The following PACRGL variants were observed in gnomAD, a reference collection of about 807,000 sequenced individuals.
PACRGL encodes the protein parkin coregulated like, also known as PACRG-like protein.
Under a neutral mutation model 34.5 loss-of-function variants are expected in PACRGL, and 38 were observed. That is an observed-to-expected ratio of 1.10 (90% CI 0.85 to 1.44). The LOEUF is 1.44. Ranked by LOEUF, PACRGL falls within the 40% of genes most tolerant of loss-of-function variation. The probability of loss-of-function intolerance (pLI) is 0.00; values close to 1 mark genes in which losing one functional copy is unlikely to be tolerated. For missense variants in PACRGL, 305 were observed against 281.4 expected (o/e 1.08, Z -0.60); for synonymous variants, 128 against 100.1 (o/e 1.28, Z -1.66).
At chr4:20,723,421 TTTTTTTTG>T (rs1433644204) in intron 7 of PACRGL, among the ~76,000 whole-genome samples, 1 of 151,236 alleles carries the variant, frequency 6.6e-6, no homozygotes, top group Non-Finnish European at 1.5e-5. Context: ...TGGTTTTGGG[TTTTTTTTG>T]TTTTTTTGTT....
In PACRGL at chr4:20,729,990, C is replaced by T. The variant is rs553421302; in HGVS notation, c.*2649C>T. ...TTGCATAATATGCTTCAGTGTCAAG[C>T]TGAGCAATCTATGCTAAAAGTGGTA... On this transcript the variant is annotated 3_prime_UTR_variant, in exon 9 of 9. Coordinates refer to ENST00000503585, the MANE Select transcript of PACRGL (RefSeq NM_001258345.3). 1.4e-6 allele frequency: 2 copies of T among 1,417,252 alleles called. No individual in the cohort carries two copies. The highest frequency in any genetic ancestry group is 1.5e-5 in the South Asian group (1 of 64,728). 87.8% of individuals were successfully genotyped at this position (1,417,252 alleles called of 1,614,324 possible).
At chr4:20,719,199 C>A (rs1055004283) in intron 7 of PACRGL, among the ~76,000 whole-genome samples, 1 of 152,032 alleles carries the variant, frequency 6.6e-6, no homozygotes, top group South Asian at 2.1e-4. Context: ...TTTTTTATTG[C>A]GTCTATTTGA....
chr4:20,720,864 G>T (rs1183754269), intron 7 of PACRGL, among the ~76,000 whole-genome samples: 1 of 152,084 alleles, frequency 6.6e-6, no homozygotes, highest in African/African-American at 2.4e-5. Context: ...GAATTTCAAT[G>T]TTGGCCTGCC....
At chr4:20,766,439 G>A in the PACRGL span, among the ~76,000 whole-genome samples, 1 of 152,122 alleles carries the variant, frequency 6.6e-6, no homozygotes, top group Non-Finnish European at 1.5e-5. Context: ...GGTGGCACAT[G>A]CCTATAATCT....
Position 20,724,729 on chromosome 4 carries a change from C to T in PACRGL, c.610-79C>T, listed in dbSNP as rs1215388767. On this transcript the variant is annotated intron_variant, in intron 7 of 8. Coordinates refer to ENST00000503585, the MANE Select transcript of PACRGL (RefSeq NM_001258345.3). ...CTTGAAATCTAAAACAAGGGGTGCT[C>T]CTGAAGATTTACTTATGCGTATGGT... 22 of 699,994 alleles carry T rather than the reference C, an allele frequency of 3.1e-5. No homozygotes were observed. The East Asian group carries it at 5.3e-4, about 17-fold the overall frequency. The allele number at this position is 699,994 out of a possible 1,614,324, so 43.4% of individuals were successfully genotyped here.
At chr4:20,715,187 A>G (rs1041589941) in intron 7 of PACRGL, among the ~76,000 whole-genome samples, 2 of 151,618 alleles carry the variant, frequency 1.3e-5, no homozygotes, top group African/African-American at 4.8e-5. Flanking sequence ...AAAACCAAAC[A>G]CCGCATGTTC....
the PACRGL span, among the ~76,000 whole-genome samples, chr4:20,763,293 T>C: frequency 2.0e-5 from 3 of 152,218 alleles, no homozygotes; most frequent in Admixed American, 1.3e-4. Flanking sequence ...AGTCAACCTG[T>C]ATAACACAGT....
At chr4:20,705,859 G>A (rs1424374659) in intron 3 of PACRGL, among the ~76,000 whole-genome samples, 1 of 148,692 alleles carries the variant, frequency 6.7e-6, no homozygotes, top group African/African-American at 2.5e-5. Flanking sequence ...TTCACCTTTG[G>A]GGCGAAAGGT....
the PACRGL span, chr4:20,758,878 C>T: frequency 6.2e-7 from 1 of 1,612,860 alleles, no homozygotes; most frequent in Non-Finnish European, 8.5e-7. Flanking sequence ...TTAACAACAC[C>T]ACTGGGGCAT....
the PACRGL span, among the ~76,000 whole-genome samples, chr4:20,766,522 C>T: frequency 2.1e-3 from 327 of 152,270 alleles, 7 homozygotes; most frequent in South Asian, 0.044. Context: ...GCCGAGATCA[C>T]GCCACTATAC....
rs1430974570 is a variant in PACRGL, at chr4:20,724,794, T to C, written c.610-14T>C. 3.5e-6 allele frequency: 5 copies of C among 1,440,898 alleles called. No individual in the cohort carries two copies. Among genetic ancestry groups the C allele is most frequent in the South Asian group, 1.4e-5 (1 of 70,436 alleles). 89.3% of individuals were successfully genotyped at this position (1,440,898 alleles called of 1,614,324 possible). A position where few individuals can be genotyped will look rare whatever the true frequency, so the allele number is the denominator to read the frequency against. On this transcript the variant is annotated splice_polypyrimidine_tract_variant and intron_variant, in intron 7 of 8. Coordinates refer to ENST00000503585, the MANE Select transcript of PACRGL (RefSeq NM_001258345.3). The stretch of plus-strand genomic sequence containing the variant: ...TTAAAGTCATTTCGTTTCCCCCTAA[T>C]CTTACTTTAAAAGCTTTCCAAGAGA...
intron 8 of PACRGL, among the ~76,000 whole-genome samples, chr4:20,751,448 G>A (rs755773490): frequency 6.6e-6 from 1 of 152,034 alleles, no homozygotes; most frequent in Non-Finnish European, 1.5e-5. Context: ...TTTACTCTCA[G>A]CAGTACTTTT....
intron 8 of PACRGL, among the ~76,000 whole-genome samples, chr4:20,744,445 G>A (rs906791779): frequency 8.6e-5 from 13 of 150,998 alleles, no homozygotes; most frequent in Non-Finnish European, 1.6e-4. Flanking sequence ...GCCATAAAAA[G>A]GATGAGTTCA....
chr4:20,753,085 T>TA (rs948811309), downstream of PACRGL, among the ~76,000 whole-genome samples: 1 of 152,172 alleles, frequency 6.6e-6, no homozygotes, highest in African/African-American at 2.4e-5. Flanking sequence ...AGCTGAAAAA[T>TA]AAATGTTGAG....
At position 20,707,885 on chromosome 4, in the gene PACRGL, A is replaced by C. The variant is rs769161605; in HGVS notation, c.275+15A>C. ...ATTCCTTGCAGGTAAAATCAATATG[A>C]TTTATAACTGACCAAATTATTCAAA... On this transcript the variant is annotated intron_variant, in intron 4 of 8. Transcript: ENST00000503585. 1.3e-6 allele frequency: 2 copies of C among 1,582,270 alleles called. No individual in the cohort carries two copies. The highest frequency in any genetic ancestry group is 4.5e-5 in the East Asian group (2 of 44,694).
intron 8 of PACRGL, among the ~76,000 whole-genome samples, chr4:20,739,223 T>C (rs958061610): frequency 2.0e-5 from 3 of 152,166 alleles, no homozygotes; most frequent in African/African-American, 7.2e-5. Flanking sequence ...TCTGACAGCT[T>C]TGAAGAGAGT....
intron 1 of PACRGL, chr4:20,701,958 G>A (rs1041759778): frequency 4.4e-5 from 20 of 454,578 alleles, no homozygotes; most frequent in Non-Finnish European, 1.8e-5. Context: ...TTTTGAAAGG[G>A]GATGTAGACG....
At chr4:20,749,018 C>A (rs549945605) in intron 8 of PACRGL, among the ~76,000 whole-genome samples, 37 of 151,606 alleles carry the variant, frequency 2.4e-4, no homozygotes, top group South Asian at 8.3e-4. Flanking sequence ...TCTAGCTGGG[C>A]GTGGTGGCAC....
Position 20,709,765 on chromosome 4 carries a change from T to G in PACRGL, c.358T>G (p.Leu120Val). Residue 120 changes from leucine to valine, a missense_variant, in exon 5 of 9, where the codon TTA (leucine) becomes GTA (valine). Transcript: ENST00000503585. The stretch of plus-strand genomic sequence containing the variant: ...TTCATTTGATCCACTTCTTATTACT[T>G]TAGCTGAGGTAAATATGCCATCTCT... ...SLSFDPLLIT[L>V]AEGLRETKHP... 2.5e-6 allele frequency: 4 copies of G among 1,592,282 alleles called. No homozygotes were observed. Among genetic ancestry groups the G allele is most frequent in the Non-Finnish European group, 3.4e-6 (4 of 1,161,100 alleles).
Sources: gnomAD v4.1 joint callset for allele counts (sites outside exome capture counted in the v4.1 genomes callset) on GRCh38, gnomAD v4.1.1 for gene constraint, MANE v1.5 for transcripts, NCBI Gene and HGNC (gene_info 2026-07-23, HGNC 2026-07-21) for gene names.